CCSER1: variants seen among roughly 807,000 people sequenced by gnomAD.
CCSER1 encodes serine-rich coiled-coil domain-containing protein 1.
Under a neutral mutation model 82.0 loss-of-function variants are expected in CCSER1, and 41 were observed. That is an observed-to-expected ratio of 0.50 (90% CI 0.39 to 0.65). The LOEUF is 0.65. CCSER1 is among the 30% of genes least tolerant of loss of function. The pLI is 0.00. For missense variants in CCSER1, 1,119 were observed against 1,064.2 expected, an observed-to-expected ratio of 1.05 and a Z score of -0.72; for synonymous variants, 414 against 383.9, an observed-to-expected ratio of 1.08 and a Z score of -0.92.
chr4:91,084,811 A>G (rs1035321854), intron 9 of CCSER1, among the ~76,000 whole-genome samples: 2 of 152,106 alleles, frequency 1.3e-5, no homozygotes, highest in Non-Finnish European at 2.9e-5. Context: ...TGTTTAAAAT[A>G]AAATGGTTTA....
intron 8 of CCSER1, among the ~76,000 whole-genome samples, chr4:90,889,712 C>T (rs1305130315): frequency 6.6e-6 from 1 of 151,976 alleles, no homozygotes; most frequent in African/African-American, 2.4e-5. Context: ...GGAGATGTGC[C>T]GTTTTACATA....
intron 6 of CCSER1, among the ~76,000 whole-genome samples, chr4:90,641,692 G>A (rs1726551809): frequency 6.6e-6 from 1 of 152,102 alleles, no homozygotes; most frequent in African/African-American, 2.4e-5. Flanking sequence ...AAGTGGAGCA[G>A]GATCAAGGTG....
chr4:90,811,995 C>CACACACACACATATATATATATAT (rs367800484), intron 7 of CCSER1, among the ~76,000 whole-genome samples: 5,982 of 142,334 alleles, frequency 0.042, 229 homozygotes, highest in East Asian at 0.22. Flanking sequence ...TATATAAACA[C>CACACACACACATATATATATATAT]ATATATATAT....
intron 10 of CCSER1, among the ~76,000 whole-genome samples, chr4:91,294,521 C>T (rs1331284755): frequency 6.6e-6 from 1 of 151,788 alleles, no homozygotes; most frequent in Non-Finnish European, 1.5e-5. Flanking sequence ...AATACATTCT[C>T]TTCTGGAGGC....
intron 5 of CCSER1, among the ~76,000 whole-genome samples, chr4:90,482,784 A>G (rs1193016931): frequency 6.6e-6 from 1 of 152,170 alleles, no homozygotes; most frequent in African/African-American, 2.4e-5. Context: ...GGAGTGCTTT[A>G]CTTCCAAGTA....
intron 3 of CCSER1, among the ~76,000 whole-genome samples, chr4:90,371,489 T>A (rs1747402994): frequency 6.6e-6 from 1 of 152,000 alleles, no homozygotes; most frequent in Non-Finnish European, 1.5e-5. Context: ...GAGTGGGAGT[T>A]TATACATAAT....
intron 4 of CCSER1, among the ~76,000 whole-genome samples, chr4:90,466,970 A>C (rs1763726672): frequency 6.6e-6 from 1 of 152,380 alleles, no homozygotes; most frequent in Admixed American, 6.5e-5. Context: ...TATTAACGAA[A>C]TGTATAAATA....
intron 10 of CCSER1, among the ~76,000 whole-genome samples, chr4:91,168,462 A>G (rs1355022557): frequency 1.4e-5 from 2 of 140,748 alleles, no homozygotes; most frequent in Admixed American, 7.2e-5. Flanking sequence ...AGCAGGGAGC[A>G]CCTCTGCCCA....
At chr4:91,411,003 G>C (rs549151702) in intron 10 of CCSER1, among the ~76,000 whole-genome samples, 2 of 152,002 alleles carry the variant, frequency 1.3e-5, no homozygotes, top group African/African-American at 4.8e-5. Context: ...AATGATTATA[G>C]TTATGTGAAG....
intron 1 of CCSER1, among the ~76,000 whole-genome samples, chr4:90,275,894 GACC>G (rs1462648049): frequency 2.0e-5 from 3 of 152,096 alleles, no homozygotes; most frequent in African/African-American, 7.2e-5. Flanking sequence ...AATATCAATA[GACC>G]TTTGTGAAAT....
intron 10 of CCSER1, among the ~76,000 whole-genome samples, chr4:91,382,741 T>C (rs140835841): frequency 0.02 from 2,990 of 152,198 alleles, 76 homozygotes; most frequent in African/African-American, 0.067. Flanking sequence ...CAAGCCCCAG[T>C]GAGATGAACC....
chr4:90,495,036 T>C (rs1768760882), intron 5 of CCSER1, among the ~76,000 whole-genome samples: 1 of 152,174 alleles, frequency 6.6e-6, no homozygotes, highest in East Asian at 1.9e-4. Context: ...GTTCCTAATC[T>C]TAATCTAGCT....
chr4:90,504,174 G>T (rs1021950270), intron 5 of CCSER1, among the ~76,000 whole-genome samples: 1 of 151,038 alleles, frequency 6.6e-6, no homozygotes, highest in African/African-American at 2.4e-5. Context: ...TATCTTCTTT[G>T]GCATATTTCA....
intron 10 of CCSER1, among the ~76,000 whole-genome samples, chr4:91,582,049 G>T (rs1763752779): frequency 6.6e-6 from 1 of 151,654 alleles, no homozygotes; most frequent in African/African-American, 2.4e-5. Context: ...AGTAAGTTTT[G>T]TCATGAATAG....
intron 9 of CCSER1, among the ~76,000 whole-genome samples, chr4:90,947,948 A>C (rs2150346452): frequency 6.6e-6 from 1 of 152,180 alleles, no homozygotes; most frequent in East Asian, 1.9e-4. Flanking sequence ...CTCCTAAATC[A>C]TGTGTTGTAT....
intron 5 of CCSER1, among the ~76,000 whole-genome samples, chr4:90,596,327 T>C (rs1431429714): frequency 6.6e-6 from 1 of 151,904 alleles, no homozygotes; most frequent in Non-Finnish European, 1.5e-5. Context: ...TTAAAGTTAT[T>C]TAATGCTTTT....
At chr4:91,225,283 ATG>A (rs1339723695) in intron 10 of CCSER1, among the ~76,000 whole-genome samples, 8 of 46,988 alleles carry the variant, frequency 1.7e-4, no homozygotes, top group African/African-American at 9.1e-4. Flanking sequence ...CATTTTATAT[ATG>A]TAATATATAT....
At chr4:90,971,823 C>T (rs1003648795) in intron 9 of CCSER1, among the ~76,000 whole-genome samples, 1 of 151,698 alleles carries the variant, frequency 6.6e-6, no homozygotes, top group Non-Finnish European at 1.5e-5. Context: ...GGGATTTAAC[C>T]ATGGGATGTA....
At chr4:91,467,212 A>G (rs1289661281) in intron 10 of CCSER1, among the ~76,000 whole-genome samples, 1 of 150,510 alleles carries the variant, frequency 6.6e-6, no homozygotes, top group African/African-American at 2.4e-5. Flanking sequence ...CACATCTACA[A>G]CCATCTTTGA....
Sources: gnomAD v4.1 joint callset for allele counts (sites outside exome capture counted in the v4.1 genomes callset) on GRCh38, gnomAD v4.1.1 for gene constraint, MANE v1.5 for transcripts, NCBI Gene and HGNC (gene_info 2026-07-23, HGNC 2026-07-21) for gene names.